Variants in SHANK2 observed in about 807,000 individuals in gnomAD.
SHANK2 encodes the protein SH3 and multiple ankyrin repeat domains 2.
A neutral mutation model predicts 133.7 loss-of-function variants in SHANK2; 43 were observed. The ratio of observed to expected loss-of-function variants is 0.32; its 90% CI spans 0.25 to 0.41. SHANK2 has a LOEUF of 0.41. Ranked by LOEUF, SHANK2 falls within the 10% of genes least tolerant of loss-of-function variation. SHANK2 has a pLI of 1.00. For synonymous variants in SHANK2, 1,017 were observed against 952.8 expected, an observed-to-expected ratio of 1.07 and a Z score of -1.24; for missense variants, 1,994 against 2,235.8, an observed-to-expected ratio of 0.89 and a Z score of 2.18.
chr11:70,861,563 A>AT (rs141589078), intron 11 of SHANK2, among the ~76,000 whole-genome samples: 113 of 150,750 alleles, frequency 7.5e-4, no homozygotes, highest in African/African-American at 1.3e-3. Flanking sequence ...TTTTGGGTTA[A>AT]TTTTTTTTTT....
At chr11:71,164,218 G>C (rs566925344) in intron 2 of SHANK2, among the ~76,000 whole-genome samples, 148 of 152,170 alleles carry the variant, frequency 9.7e-4, no homozygotes, top group Non-Finnish European at 1.9e-3. Flanking sequence ...TCATCCCCAG[G>C]TACAAGCCAA....
chr11:70,587,786 C>G (rs1554987187), intron 17 of SHANK2, among the ~76,000 whole-genome samples: 3 of 150,508 alleles, frequency 2.0e-5, no homozygotes, highest in African/African-American at 7.3e-5. Context: ...CTCACTGCAG[C>G]CTCAAACTCT....
At position 70,949,302 on chromosome 11, in the gene SHANK2, G is replaced by A. The variant is rs563241782; in HGVS notation, c.1108-52735C>T. Among the ~76,000 whole-genome samples, 3 of 152,336 alleles carry A rather than the reference G, an allele frequency of 2.0e-5. No homozygotes were observed. The South Asian group carries it at 6.2e-4, about 32-fold the overall frequency. On this transcript the variant is annotated intron_variant, in intron 10 of 25. Transcript: ENST00000601538. ...GGCAGCGGGGGTGAAAGTGGGCGAAGAACCCTGTGCACAGCAACGTCCCCA... is the reference window on the plus strand; with the variant it reads ...GGCAGCGGGGGTGAAAGTGGGCGAAAAACCCTGTGCACAGCAACGTCCCCA...
intron 25 of SHANK2, chr11:70,475,085 GC>G (rs2058646002): frequency 6.6e-6 from 1 of 152,362 alleles, no homozygotes; most frequent in African/African-American, 2.4e-5. Context: ...TGAAGCCCCT[GC>G]CCGTCTGCTG....
chr11:70,814,704 G>A (rs992169830), intron 12 of SHANK2, among the ~76,000 whole-genome samples: 3 of 152,236 alleles, frequency 2.0e-5, no homozygotes, highest in African/African-American at 4.8e-5. Flanking sequence ...TCTTTCATGC[G>A]TGCAATGGAC....
intron 14 of SHANK2, among the ~76,000 whole-genome samples, chr11:70,788,032 A>G (rs1947707406): frequency 6.6e-6 from 1 of 152,230 alleles, no homozygotes; most frequent in Non-Finnish European, 1.5e-5. Flanking sequence ...GTGTGCTCTG[A>G]AAAGGCTGGA....
intron 14 of SHANK2, among the ~76,000 whole-genome samples, chr11:70,761,973 A>G (rs1947006873): frequency 6.6e-6 from 1 of 152,168 alleles, no homozygotes; most frequent in Non-Finnish European, 1.5e-5. Flanking sequence ...AACACTGCCC[A>G]GGTGGTTCTC....
chr11:70,933,899 C>CAAA (rs35735097), intron 10 of SHANK2, among the ~76,000 whole-genome samples: 1 of 123,914 alleles, frequency 8.1e-6, no homozygotes, highest in African/African-American at 3.3e-5. Flanking sequence ...GACTGTGTCT[C>CAAA]AAAAAAAAAA....
At chr11:71,172,520 C>T (rs1953336115) in intron 2 of SHANK2, among the ~76,000 whole-genome samples, 1 of 150,838 alleles carries the variant, frequency 6.6e-6, no homozygotes, top group South Asian at 2.1e-4. Context: ...ATCGCTTGAA[C>T]CCGGGAGGCA....
intron 14 of SHANK2, among the ~76,000 whole-genome samples, chr11:70,721,229 C>A (rs568286038): frequency 2.6e-5 from 4 of 152,220 alleles, no homozygotes; most frequent in Non-Finnish European, 4.4e-5. Context: ...TCATTTCAGG[C>A]GCATCACACC....
intron 9 of SHANK2, among the ~76,000 whole-genome samples, chr11:71,072,359 G>A (rs1951154295): frequency 6.6e-6 from 1 of 152,206 alleles, no homozygotes; most frequent in Non-Finnish European, 1.5e-5. Context: ...ACACTGGGCG[G>A]GGTGTCACTT....
At chr11:70,772,432 T>A (rs1315177596) in intron 14 of SHANK2, among the ~76,000 whole-genome samples, 1 of 91,510 alleles carries the variant, frequency 1.1e-5, no homozygotes, top group Non-Finnish European at 2.2e-5. Flanking sequence ...AGAGCAAGAC[T>A]CTGTCTCAAA....
At chr11:70,534,122 T>C (rs1322704067) in intron 17 of SHANK2, among the ~76,000 whole-genome samples, 2 of 152,212 alleles carry the variant, frequency 1.3e-5, no homozygotes, top group Non-Finnish European at 2.9e-5. Flanking sequence ...TTCCTGCTGC[T>C]ATTAAGGACA....
intron 14 of SHANK2, among the ~76,000 whole-genome samples, chr11:70,790,291 G>A (rs1947760582): frequency 6.6e-6 from 1 of 152,110 alleles, no homozygotes; most frequent in Non-Finnish European, 1.5e-5. Flanking sequence ...TCTCCACCCA[G>A]GGTGCATGTC....
Position 70,804,528 on chromosome 11 carries a change from C to T in SHANK2, c.1663+2474G>A, listed in dbSNP as rs528598357. ...TGGGAGAAAGGCCCAGCTCCCCGCA[C>T]GCCCCACGCTCCTGCGAGGGGCGGG... On this transcript the variant is annotated intron_variant, in intron 13 of 25. Coordinates refer to ENST00000601538, the MANE Select transcript of SHANK2 (RefSeq NM_012309.5). The surrounding 1 kb of genome is among the most constrained non-coding windows in gnomAD (Gnocchi z 4.1). Among the ~76,000 whole-genome samples the T allele has an allele frequency of 5.1e-4, 77 of 152,256 alleles. 1 individual carries two copies. The highest frequency in any genetic ancestry group is 1.5e-3 in the African/African-American group (64 of 41,582).
chr11:70,732,005 G>A (rs952355832), intron 14 of SHANK2, among the ~76,000 whole-genome samples: 1 of 152,064 alleles, frequency 6.6e-6, no homozygotes, highest in African/African-American at 2.4e-5. Flanking sequence ...CCCATCCTCT[G>A]AACGCAGTCC....
At chr11:70,852,795 A>G (rs1166468610) in intron 11 of SHANK2, among the ~76,000 whole-genome samples, 1 of 152,222 alleles carries the variant, frequency 6.6e-6, no homozygotes, top group Non-Finnish European at 1.5e-5. Flanking sequence ...GTGAGCCGAG[A>G]TCATGCCACT....
intron 14 of SHANK2, among the ~76,000 whole-genome samples, chr11:70,741,050 G>A (rs368111914): frequency 2.0e-5 from 3 of 152,286 alleles, no homozygotes; most frequent in East Asian, 1.9e-4. Flanking sequence ...CATCCCATCT[G>A]TCTATCCATC....
intron 11 of SHANK2, among the ~76,000 whole-genome samples, chr11:70,875,250 G>A (rs1261955502): frequency 1.3e-5 from 2 of 152,092 alleles, no homozygotes; most frequent in Admixed American, 6.5e-5. Flanking sequence ...CCTGTTGCGT[G>A]TACCTGGGGC....
Sources: gnomAD v4.1 joint callset for allele counts (sites outside exome capture counted in the v4.1 genomes callset) on GRCh38, gnomAD v4.1.1 for gene constraint, Gnocchi (gnomAD v3.1) non-coding constraint, MANE v1.5 for transcripts, NCBI Gene and HGNC (gene_info 2026-07-23, HGNC 2026-07-21) for gene names.